CHODL: variants seen among roughly 807,000 people sequenced by gnomAD.
CHODL encodes the protein chondrolectin, also known as transmembrane protein MT75.
A neutral mutation model predicts 34.5 loss-of-function variants in CHODL; 29 were observed. The ratio of observed to expected loss-of-function variants is 0.84; its 90% CI spans 0.63 to 1.15. The LOEUF (loss-of-function observed/expected upper bound fraction) is 1.15. Among genes scored for constraint, CHODL ranks in the 50% most tolerant of loss-of-function variants. The probability of loss-of-function intolerance (pLI) is 0.00; values close to 1 mark genes in which losing one functional copy is unlikely to be tolerated. For missense variants in CHODL, 332 were observed against 332.5 expected, an observed-to-expected ratio of 1.00 and a Z score of 0.01; for synonymous variants, 125 against 116.1, an observed-to-expected ratio of 1.08 and a Z score of -0.49.
chr21:17,996,863 A>T (rs1050953869), intron 1 of CHODL, among the ~76,000 whole-genome samples: 1 of 152,194 alleles, frequency 6.6e-6, no homozygotes, highest in African/African-American at 2.4e-5. Flanking sequence ...GAAACCTGAA[A>T]ATTTTAAATT....
intron 2 of CHODL, among the ~76,000 whole-genome samples, chr21:18,201,800 C>CTTTTTTTT (rs547855975): frequency 3.5e-5 from 4 of 114,414 alleles, no homozygotes; most frequent in Admixed American, 9.5e-5. Context: ...TTTTTAAAAA[C>CTTTTTTTT]TTTTTTTTTT....
intron 2 of CHODL, among the ~76,000 whole-genome samples, chr21:18,195,203 T>C (rs920640677): frequency 4.6e-5 from 7 of 152,116 alleles, no homozygotes; most frequent in South Asian, 2.1e-4. Context: ...TACAGGTGCC[T>C]GCCACCACAC....
At chr21:18,209,619 T>A (rs1048136686) in intron 2 of CHODL, among the ~76,000 whole-genome samples, 6 of 152,150 alleles carry the variant, frequency 3.9e-5, no homozygotes, top group African/African-American at 1.4e-4. Flanking sequence ...CCATGACAGC[T>A]GGGACTGTGC....
At chr21:18,037,588 T>A (rs1033332299) in intron 2 of CHODL, among the ~76,000 whole-genome samples, 1 of 151,776 alleles carries the variant, frequency 6.6e-6, no homozygotes, top group Admixed American at 6.6e-5. Context: ...TGAGAAGTGT[T>A]AAGTGTGTAG....
chr21:18,093,629 G>A (rs570418355), intron 2 of CHODL, among the ~76,000 whole-genome samples: 3 of 152,222 alleles, frequency 2.0e-5, no homozygotes, highest in Non-Finnish European at 4.4e-5. Flanking sequence ...CTTTTTGCAT[G>A]TTTGTTTATG....
chr21:18,150,761 C>T (rs570521907), intron 2 of CHODL, among the ~76,000 whole-genome samples: 2 of 152,248 alleles, frequency 1.3e-5, no homozygotes, highest in Non-Finnish European at 2.9e-5. Context: ...TAATCATTTT[C>T]ACCTTTCTGT....
At chr21:17,918,670 A>G (rs908080242) in intron 1 of CHODL, among the ~76,000 whole-genome samples, 1 of 152,084 alleles carries the variant, frequency 6.6e-6, no homozygotes, top group Admixed American at 6.5e-5. Flanking sequence ...GCCCCTCCCA[A>G]ATCTCATGTC....
chr21:18,252,204 G>A (rs1227089452), intron 1 of CHODL, among the ~76,000 whole-genome samples: 4 of 152,000 alleles, frequency 2.6e-5, no homozygotes, highest in Admixed American at 2.0e-4. Flanking sequence ...TTTATAGTTC[G>A]ACGGCATAAA....
chr21:18,013,924 C>T (rs574499037), intron 1 of CHODL, among the ~76,000 whole-genome samples: 28 of 152,032 alleles, frequency 1.8e-4, no homozygotes, highest in Non-Finnish European at 3.1e-4. Flanking sequence ...CGTGAGCCAC[C>T]GCGCCTGGCT....
intron 2 of CHODL, among the ~76,000 whole-genome samples, chr21:18,158,658 C>T (rs201489828): frequency 1.1e-4 from 17 of 151,990 alleles, no homozygotes; most frequent in Non-Finnish European, 2.1e-4. Context: ...GCCAACATGG[C>T]GAGATCTTGT....
intron 1 of CHODL, among the ~76,000 whole-genome samples, chr21:17,978,181 T>C (rs929665387): frequency 1.3e-5 from 2 of 151,654 alleles, no homozygotes; most frequent in African/African-American, 4.8e-5. Flanking sequence ...CCCAGCACTT[T>C]GGGAGGCTGA....
intron 1 of CHODL, among the ~76,000 whole-genome samples, chr21:18,248,867 GTATA>G (rs1010201278): frequency 1.8e-5 from 2 of 108,648 alleles, no homozygotes; most frequent in African/African-American, 9.5e-5. Context: ...TTGTATATGT[GTATA>G]TATATGTATT....
intron 1 of CHODL, among the ~76,000 whole-genome samples, chr21:17,923,235 C>T: frequency 6.6e-6 from 1 of 151,604 alleles, no homozygotes; most frequent in Admixed American, 6.6e-5. Flanking sequence ...CTTTCACAAG[C>T]TTTTCCATTA....
chr21:17,947,916 A>C (rs2063425090), intron 1 of CHODL, among the ~76,000 whole-genome samples: 1 of 152,196 alleles, frequency 6.6e-6, no homozygotes, highest in African/African-American at 2.4e-5. Context: ...GTGCATCAGC[A>C]GATGATTGGA....
At chr21:18,150,851 C>T (rs572554692) in intron 2 of CHODL, among the ~76,000 whole-genome samples, 16 of 151,982 alleles carry the variant, frequency 1.1e-4, no homozygotes, top group East Asian at 3.9e-4. Flanking sequence ...TTTGGGAGGC[C>T]GAGGCGGGTG....
chr21:18,105,143 G>A (rs1162113610), intron 2 of CHODL, among the ~76,000 whole-genome samples: 1 of 152,184 alleles, frequency 6.6e-6, no homozygotes, highest in African/African-American at 2.4e-5. Context: ...AATAGTCATG[G>A]CTATTTCATA....
chr21:18,060,945 T>C lies in CHODL; in HGVS notation c.-45+32974T>C, dbSNP rs28398114. On this transcript the variant is annotated intron_variant, in intron 2 of 6. Transcript: ENST00000400127. ...ATAAATGAGTGTCATAGGGAAGAAA[T>C]CTCCGAAGCTCGGTGTCAGGTTTCA... is the stretch of plus-strand genomic sequence containing the variant. Among the ~76,000 whole-genome samples the C allele has an allele frequency of 9.3e-3, 1,414 of 152,186 alleles. 23 individuals carry two copies. Among genetic ancestry groups the C allele is most frequent in the African/African-American group, 0.031 (1,303 of 41,530 alleles).
intron 2 of CHODL, among the ~76,000 whole-genome samples, chr21:18,089,188 T>C (rs2065042388): frequency 6.6e-6 from 1 of 152,224 alleles, no homozygotes; most frequent in Non-Finnish European, 1.5e-5. Context: ...TAGTAAATAA[T>C]TTGATGCTTC....
At chr21:18,198,820 T>C (rs2073618916) in intron 2 of CHODL, among the ~76,000 whole-genome samples, 1 of 152,154 alleles carries the variant, frequency 6.6e-6, no homozygotes, top group Non-Finnish European at 1.5e-5. Context: ...GACAGCCATG[T>C]TGTATGACCA....
Sources: allele counts gnomAD v4.1 joint callset (sites outside exome capture counted in the v4.1 genomes callset), GRCh38; gene constraint gnomAD v4.1.1; transcripts MANE v1.5; gene names NCBI Gene and HGNC (gene_info 2026-07-23, HGNC 2026-07-21).